PSG7: variants seen among roughly 807,000 people sequenced by gnomAD.
PSG7 encodes pregnancy specific beta-1-glycoprotein 7.
In PSG7, 57 loss-of-function variants were observed where a neutral mutation model predicts 45.6. The observed-to-expected ratio is 1.25, with a 90% confidence interval of 1.01 to 1.56. The LOEUF is 1.56. Ranked by LOEUF, PSG7 falls within the 40% of genes most tolerant of loss-of-function variation. The pLI, the probability that PSG7 is intolerant of heterozygous loss-of-function variation, is 0.00. For synonymous variants in PSG7, 298 were observed against 194.4 expected, an observed-to-expected ratio of 1.53 and a Z score of -4.43; for missense variants, 796 against 508.4, an observed-to-expected ratio of 1.57 and a Z score of -5.44.
chr19:42,926,355 C>A, intron 4 of PSG7, 83 bp downstream of exon 4: 1 of 1,583,324 alleles, frequency 6.3e-7, no homozygotes, highest in South Asian at 1.2e-5. Context: ...CGGAGAGAGA[C>A]TGAGAGGACT....
chr19:42,930,732 CAG>C (rs1425965957), intron 2 of PSG7, among the ~76,000 whole-genome samples: 2 of 151,412 alleles, frequency 1.3e-5, no homozygotes, highest in African/African-American at 4.9e-5. Context: ...CAGAGTGAAT[CAG>C]AGAGTAGAAT....
Position 42,929,677 on chromosome 19 carries a change from G to C in PSG7, c.474C>G (p.Pro158=). 1.9e-6 allele frequency: 3 copies of C among 1,612,394 alleles called. No homozygotes were observed. The highest frequency in any genetic ancestry group is 2.5e-6 in the Non-Finnish European group (3 of 1,179,160). ...KPSISSSNFN[P]REATEAVILT... ...AAATCACAGCCTCCGTGGCCTCCCT[G>C]GGGTTGAAATTGCTGCTGGAGATGG... The change falls in exon 3 of 6, where the codon CCC becomes CCG. Residue 158 remains proline (P), a synonymous_variant. Coordinates refer to ENST00000406070, the MANE Select transcript of PSG7 (RefSeq NM_002783.3).
intron 2 of PSG7, among the ~76,000 whole-genome samples, chr19:42,931,030 G>A (rs1973009121): frequency 1.3e-5 from 2 of 151,596 alleles, no homozygotes; most frequent in Admixed American, 6.6e-5. Flanking sequence ...CATCACATCA[G>A]TGGTCAGAAG....
chr19:42,928,435 T>C (rs947674934), intron 3 of PSG7, among the ~76,000 whole-genome samples: 1 of 151,698 alleles, frequency 6.6e-6, no homozygotes, highest in African/African-American at 2.4e-5. Context: ...TGTTTCCATA[T>C]ATTGATATCA....
intron 5 of PSG7, chr19:42,925,168 A>G (rs924680338): frequency 2.6e-6 from 1 of 386,560 alleles, no homozygotes; most frequent in African/African-American, 2.0e-5. Flanking sequence ...CCTGCAGTTC[A>G]TACTGGTTCA....
At chr19:42,936,138 T>A in intron 1 of PSG7, 1 of 231,050 alleles carries the variant, frequency 4.3e-6, no homozygotes. Context: ...TGACACCTCC[T>A]TCAGAGAACC....
chr19:42,936,740 C>A (rs540553157), intron 1 of PSG7, among the ~76,000 whole-genome samples: 2 of 151,188 alleles, frequency 1.3e-5, no homozygotes, highest in African/African-American at 4.9e-5. Flanking sequence ...TTCTGCCTCC[C>A]GGGTTCATGT....
At chr19:42,929,385 C>T in intron 3 of PSG7, 57 bp downstream of exon 3, 1 of 1,611,328 alleles carries the variant, frequency 6.2e-7, no homozygotes. Flanking sequence ...AGCCCGGCCT[C>T]TGGCCATGTG....
chr19:42,931,940 A>G lies in PSG7; in HGVS notation c.431-2220T>C, dbSNP rs937956527. On this transcript the variant is annotated intron_variant, in intron 2 of 5. Transcript: ENST00000406070. The stretch of plus-strand genomic sequence containing the variant: ...TCCTGTTTCAGTTTTGGAAGTTTCT[A>G]TTGACACATTCTCAAGCTAGGTATT... 3.0e-4 allele frequency among the ~76,000 whole-genome samples: 46 copies of G among 151,466 alleles called. 1 individual carries two copies. Among genetic ancestry groups the G allele is most frequent in the Non-Finnish European group, 1.0e-4 (7 of 67,870 alleles).
chr19:42,926,390 C>G (rs2122672875), intron 4 of PSG7, 48 bp downstream of exon 4: 1 of 1,604,350 alleles, frequency 6.2e-7, no homozygotes, highest in East Asian at 2.2e-5. Context: ...TGGAGTTAAG[C>G]TGGTGTCCTG....
chr19:42,935,491 C>T lies in PSG7; in HGVS notation c.343G>A (p.Glu115Lys), dbSNP rs782559658. ...ASLLIQNVTQ[E>K]DTGSYTLHII... ...TGTAAAGTGTAGGATCCTGTGTCTT[C>T]CTGGGTGACATTCTGGATCAGCAGG... Residue 115 changes from glutamate to lysine, a missense_variant, in exon 2 of 6, where the codon GAA (glutamate) becomes AAA (lysine). Glu to Lys is a moderately conservative substitution (Grantham distance 56). Coordinates refer to ENST00000406070, the MANE Select transcript of PSG7 (RefSeq NM_002783.3). The T allele has an allele frequency of 4.3e-6, 7 of 1,612,210 alleles. No homozygotes were observed. The highest frequency in any genetic ancestry group is 1.7e-5 in the Admixed American group (1 of 59,874).
Position 42,929,136 on chromosome 19 carries a change from T to C in PSG7, c.709+306A>G, listed in dbSNP as rs576536206. On this transcript the variant is annotated intron_variant, in intron 3 of 5. Transcript: ENST00000406070. Reference sequence around the variant, plus strand: ...GGCCACAGTGACCCTGTGAGTCAAGTCGCAACACTGAAGTCCCAGCCAAAT... The same window carrying C: ...GGCCACAGTGACCCTGTGAGTCAAGCCGCAACACTGAAGTCCCAGCCAAAT... 5.5e-5 allele frequency: 29 copies of C among 524,342 alleles called. 1 individual carries two copies. The highest frequency in any genetic ancestry group is 4.8e-4 in the African/African-American group (25 of 52,624). 32.5% of individuals were successfully genotyped at this position (524,342 alleles called of 1,614,324 possible). A position where few individuals can be genotyped will look rare whatever the true frequency, so the allele number is the denominator to read the frequency against.
At chr19:42,936,969 T>C (rs1973164942) in intron 1 of PSG7, 44 bp downstream of exon 1, 2 of 1,605,416 alleles carry the variant, frequency 1.2e-6, no homozygotes, top group African/African-American at 2.7e-5. Context: ...ATCCAGTCAC[T>C]CTGCTTCCTT....
Position 42,927,790 on chromosome 19 carries a change from G to A in PSG7, c.710-1074C>T, listed in dbSNP as rs574213987. Among the ~76,000 whole-genome samples, 3 of 151,694 alleles carry A rather than the reference G, an allele frequency of 2.0e-5. 1 individual carries two copies. The highest frequency in any genetic ancestry group is 4.4e-5 in the Non-Finnish European group (3 of 67,896). The stretch of plus-strand genomic sequence containing the variant: ...GTGGGGAGAATCAGAAGTTGTTCAT[G>A]GGTGGGCAGTTTCTTTTATGCAAGA... On this transcript the variant is annotated intron_variant, in intron 3 of 5. Coordinates refer to ENST00000406070, the MANE Select transcript of PSG7 (RefSeq NM_002783.3).
At chr19:42,935,901 CACACACACACACAA>C (rs981717064) in intron 1 of PSG7, 132 bp from the exon 2 acceptor site, 215 of 1,262,786 alleles carry the variant, frequency 1.7e-4, no homozygotes, top group Non-Finnish European at 1.7e-4. Context: ...CACACACACA[CACACACACACACAA>C]ACACACACAC....
chr19:42,934,987 G>A (rs1973112607), intron 2 of PSG7, among the ~76,000 whole-genome samples: 1 of 151,588 alleles, frequency 6.6e-6, no homozygotes, highest in South Asian at 2.1e-4. Context: ...AGCTTTATCT[G>A]GAGCAAGGAT....
chr19:42,930,100 C>A (rs1258793925), intron 2 of PSG7, among the ~76,000 whole-genome samples: 1 of 151,666 alleles, frequency 6.6e-6, no homozygotes, highest in Non-Finnish European at 1.5e-5. Context: ...TTCAATCTTA[C>A]TTTGCCCCCT....
chr19:42,925,369 AAT>A, intron 5 of PSG7: 1 of 400,368 alleles, frequency 2.5e-6, no homozygotes, highest in Middle Eastern at 7.7e-4. Context: ...AGCAAAAGTA[AAT>A]ATTTCAATTA....
rs1159825220 is a variant in PSG7, at chr19:42,936,998, A to G, written c.64+15T>C. 1 of 1,610,256 alleles carries G rather than the reference A, an allele frequency of 6.2e-7. No homozygotes were observed. The highest frequency in any genetic ancestry group is 8.5e-7 in the Non-Finnish European group (1 of 1,177,694). Reference sequence around the variant, plus strand: ...CTTCCTTTTCCTGTCCTCTCCCAGGAAGTTCTCTCCTCACCTGTGAGCAGG... The same window carrying G: ...CTTCCTTTTCCTGTCCTCTCCCAGGGAGTTCTCTCCTCACCTGTGAGCAGG... On this transcript the variant is annotated intron_variant, in intron 1 of 5. Transcript: ENST00000406070.
Sources: allele counts gnomAD v4.1 joint callset (sites outside exome capture counted in the v4.1 genomes callset), GRCh38; gene constraint gnomAD v4.1.1; transcripts MANE v1.5; gene names NCBI Gene and HGNC (gene_info 2026-07-23, HGNC 2026-07-21).